The following BCOR variants were observed in gnomAD, a reference collection of about 807,000 sequenced individuals.
BCOR encodes BCL6 corepressor, also known as BCL-6 corepressor.
A neutral mutation model predicts 86.7 loss-of-function variants in BCOR; 10 were observed. That is an observed-to-expected ratio of 0.12 (90% CI 0.07 to 0.20). The LOEUF is 0.20. Ranked by LOEUF, BCOR falls within the 10% of genes least tolerant of loss-of-function variation. The pLI, the probability that BCOR is intolerant of heterozygous loss-of-function variation, is 1.00. For synonymous variants in BCOR, 611 were observed against 609.0 expected, an observed-to-expected ratio of 1.00 and a Z score of -0.05; for missense variants, 1,259 against 1,452.1, an observed-to-expected ratio of 0.87 and a Z score of 2.16.
rs1935608636 is a variant in BCOR at position 40,073,658 on chromosome X, C to T, written c.1688G>A (p.Ser563Asn). 3 of 1,212,571 alleles carry T rather than the reference C, an allele frequency of 2.5e-6. No individual in the cohort carries two copies. Among genetic ancestry groups the T allele is most frequent in the Non-Finnish European group, 3.3e-6 (3 of 895,711 alleles). Residue 563 changes from serine to asparagine, a missense_variant, in exon 4 of 15, where the codon AGT (serine) becomes AAT (asparagine). Around this residue, in one of 7 missense-constraint regions of BCOR, gnomAD observed 534 missense variants for 594.8 expected, o/e 0.90. Coordinates refer to ENST00000378444, the MANE Select transcript of BCOR (RefSeq NM_001123385.2). Reference sequence around the variant, plus strand: ...TGATGCGGAGGCTGGGCGGCCTGCACTCGACACTGACCCTGAAACGTTAGT... The same window carrying T: ...TGATGCGGAGGCTGGGCGGCCTGCATTCGACACTGACCCTGAAACGTTAGT... The part of the protein sequence containing the change: ...VITNVSGSVS[S>N]AGRPASASPA...
chrX:40,054,244 A>T lies in BCOR; in HGVS notation c.4819+12T>A, dbSNP rs771963061. The T allele has an allele frequency of 7.5e-6, 9 of 1,201,567 alleles. No individual in the cohort carries two copies. The African/African-American group carries it at 1.6e-4, about 21-fold the overall frequency. The stretch of plus-strand genomic sequence containing the variant: ...CACCTCCTACGGAACTAGAGCAAAC[A>T]ATGCAGCTTACCACAAACAGAGCTG... On this transcript the variant is annotated intron_variant, in intron 13 of 14. Transcript: ENST00000378444.
intron 1 of BCOR, among the ~76,000 whole-genome samples, chrX:40,084,765 G>A (rs1317125665): frequency 1.1e-5 from 1 of 92,192 alleles, no homozygotes; most frequent in African/African-American, 4.3e-5. Context: ...AATAACAACA[G>A]CTATCATTAG....
At chrX:40,108,633 G>C (rs1937239199) in intron 1 of BCOR, among the ~76,000 whole-genome samples, 1 of 113,489 alleles carries the variant, frequency 8.8e-6, no homozygotes, top group Non-Finnish European at 1.9e-5. Flanking sequence ...GGCAGGTCGC[G>C]TTACAGCGCT....
intron 1 of BCOR, among the ~76,000 whole-genome samples, chrX:40,148,660 T>C (rs1314203797): frequency 1.8e-5 from 2 of 111,153 alleles, no homozygotes; most frequent in Non-Finnish European, 3.8e-5. Flanking sequence ...TCAGCCTGCC[T>C]ACGTGGGGCC....
chrX:40,151,908 T>C (rs1028687359), intron 1 of BCOR, among the ~76,000 whole-genome samples: 1 of 111,879 alleles, frequency 8.9e-6, no homozygotes, highest in East Asian at 2.8e-4. Context: ...TTACACACTG[T>C]CCTTTCGACG....
chrX:40,104,198 G>A (rs989292428), intron 1 of BCOR, among the ~76,000 whole-genome samples: 1 of 111,928 alleles, frequency 8.9e-6, no homozygotes, highest in African/African-American at 3.3e-5. Flanking sequence ...GTCGATGTTT[G>A]TGTTTCGCCA....
At chrX:40,075,787 TA>T (rs1172239733) in intron 3 of BCOR, among the ~76,000 whole-genome samples, 2 of 111,096 alleles carry the variant, frequency 1.8e-5, no homozygotes, top group Non-Finnish European at 3.8e-5. Context: ...AAAATAAAAA[TA>T]AAAAAGTCTG....
chrX:40,173,753 G>C (rs1331413801), intron 1 of BCOR, among the ~76,000 whole-genome samples: 1 of 112,153 alleles, frequency 8.9e-6, no homozygotes, highest in Non-Finnish European at 1.9e-5. Context: ...AGGACCTCCA[G>C]CCTACTCTTC....
At chrX:40,055,266 G>A in intron 12 of BCOR, 102 bp downstream of exon 12, 1 of 878,418 alleles carries the variant, frequency 1.1e-6, no homozygotes, top group Admixed American at 2.3e-5. Flanking sequence ...AAGCTTTACA[G>A]TTTCAGCCTT....
At chrX:40,108,016 G>C (rs1937226286) in intron 1 of BCOR, among the ~76,000 whole-genome samples, 1 of 112,881 alleles carries the variant, frequency 8.9e-6, no homozygotes, top group African/African-American at 3.2e-5. Flanking sequence ...CAACTCCTTC[G>C]GCGGCCTGGG....
intron 4 of BCOR, 192 bp downstream of exon 4, chrX:40,072,157 A>C (rs1935505242): frequency 2.2e-6 from 1 of 457,579 alleles, no homozygotes; most frequent in Non-Finnish European, 3.8e-6. Flanking sequence ...AGAATAACTT[A>C]AAGCATCCAG....
intron 10 of BCOR, among the ~76,000 whole-genome samples, chrX:40,058,640 A>G (rs1031238849): frequency 8.9e-6 from 1 of 112,005 alleles, no homozygotes; most frequent in African/African-American, 3.2e-5. Context: ...CCCCCTGTGA[A>G]CCTAAGGCTG....
intron 2 of BCOR, chrX:40,077,303 G>A (rs1935857525): frequency 7.0e-6 from 1 of 142,184 alleles, no homozygotes; most frequent in Admixed American, 7.7e-5. Context: ...CCGAAGAGCA[G>A]CTTCAATCAT....
rs1479082518 is a variant in BCOR at position 40,072,908 on chromosome X, G to A, written c.2438C>T (p.Pro813Leu). The A allele has an allele frequency of 3.3e-6, 4 of 1,209,523 alleles. No individual in the cohort carries two copies. Among genetic ancestry groups the A allele is most frequent in the Admixed American group, 4.4e-5 (2 of 45,770 alleles). ...CACGTTTGTGTCAGTTTTAGCATCT[G>A]GTTCTTCTCGGAGAAGGTCTACGTA... is the stretch of plus-strand genomic sequence containing the variant. Reference protein sequence around the residue: ...LVYVDLLREEPDAKTDTNVSK... With the variant: ...LVYVDLLREELDAKTDTNVSK... Residue 813 changes from proline to leucine, a missense_variant, in exon 4 of 15, where the codon CCA (proline) becomes CTA (leucine). Physicochemically the swap from Pro to Leu is moderately conservative, Grantham distance 98. Coordinates refer to ENST00000378444, the MANE Select transcript of BCOR (RefSeq NM_001123385.2).
intron 1 of BCOR, among the ~76,000 whole-genome samples, chrX:40,156,092 G>A (rs1938287756): frequency 8.8e-6 from 1 of 113,279 alleles, no homozygotes; most frequent in South Asian, 3.6e-4. Context: ...GAGCTGCCCT[G>A]CCCATCCCCT....
intron 1 of BCOR, among the ~76,000 whole-genome samples, chrX:40,113,678 A>G (rs749288553): frequency 9.0e-6 from 1 of 111,683 alleles, no homozygotes; most frequent in African/African-American, 3.3e-5. Flanking sequence ...AGCGATGTAC[A>G]TATATCCATA....
chrX:40,079,404 AC>A (rs1935973932), intron 1 of BCOR, among the ~76,000 whole-genome samples: 1 of 111,929 alleles, frequency 8.9e-6, no homozygotes, highest in Non-Finnish European at 1.9e-5. Context: ...TTAAGGGGAC[AC>A]CTGGGGGATG....
At chrX:40,081,358 G>A (rs1936101258) in intron 1 of BCOR, among the ~76,000 whole-genome samples, 1 of 111,936 alleles carries the variant, frequency 8.9e-6, no homozygotes, top group Admixed American at 9.4e-5. Context: ...GGGACACTGG[G>A]GTAAGAAACA....
intron 1 of BCOR, among the ~76,000 whole-genome samples, chrX:40,112,513 T>A (rs764276493): frequency 8.9e-6 from 1 of 111,962 alleles, no homozygotes; most frequent in Non-Finnish European, 1.9e-5. Context: ...ATGAGGAAAC[T>A]ATCAGAGAAG....
Sources: gnomAD v4.1 joint callset for allele counts (sites outside exome capture counted in the v4.1 genomes callset) on GRCh38, gnomAD v4.1.1 for gene constraint, gnomAD v4.1.1 regional missense constraint, MANE v1.5 for transcripts, NCBI Gene and HGNC (gene_info 2026-07-23, HGNC 2026-07-21) for gene names.